SMPDL3A: variants seen among roughly 807,000 people sequenced by gnomAD.
The protein encoded by SMPDL3A is sphingomyelin phosphodiesterase acid like 3A.
SMPDL3A carries 39 observed loss-of-function variants against 38.5 expected under a neutral mutation model. The ratio of observed to expected loss-of-function variants is 1.01; its 90% CI spans 0.78 to 1.32. SMPDL3A has a LOEUF of 1.32. SMPDL3A is among the 40% of genes most tolerant of loss of function. The probability of loss-of-function intolerance (pLI) is 0.00; values close to 1 mark genes in which losing one functional copy is unlikely to be tolerated. For synonymous variants in SMPDL3A, 180 were observed against 194.3 expected, an observed-to-expected ratio of 0.93 and a Z score of 0.61; for missense variants, 502 against 536.2, an observed-to-expected ratio of 0.94 and a Z score of 0.63.
In SMPDL3A at chr6:122,796,006, T is replaced by TA. The variant is rs534909963; in HGVS notation, c.326+123dup. On this transcript the variant is annotated intron_variant, in intron 2 of 7. Transcript: ENST00000368440. The stretch of plus-strand genomic sequence containing the variant: ...GTTACATTTTAAGAGTTATTTGAGT[T>TA]AAAAAAACACTAGGTCAAACTAATC... The TA allele has an allele frequency of 3.5e-4, 273 of 780,840 alleles. No homozygotes were observed. In the African/African-American group the frequency reaches 4.3e-3, roughly 12 times the overall value. 48.4% of individuals were successfully genotyped at this position (780,840 alleles called of 1,614,324 possible). A position where few individuals can be genotyped will look rare whatever the true frequency, so the allele number is the denominator to read the frequency against.
intron 4 of SMPDL3A, among the ~76,000 whole-genome samples, chr6:122,802,719 G>A (rs1781466624): frequency 6.6e-6 from 1 of 152,132 alleles, no homozygotes; most frequent in African/African-American, 2.4e-5. Flanking sequence ...TCCAATGATA[G>A]CCCTCAAAGA....
intron 5 of SMPDL3A, among the ~76,000 whole-genome samples, chr6:122,804,267 G>C (rs558367085): frequency 1.3e-5 from 2 of 150,702 alleles, no homozygotes; most frequent in East Asian, 3.9e-4. Context: ...GATTACAGGT[G>C]TGAGCCACTA....
chr6:122,795,776 C>G lies in SMPDL3A; in HGVS notation c.212C>G (p.Ser71Cys). Residue 71 changes from serine to cysteine, a missense_variant, in exon 2 of 8, where the codon TCC becomes TGC. Ser to Cys is a moderately radical substitution (Grantham distance 112). Transcript: ENST00000368440. ...VCASSKGANA[S>C]NPGPFGDVLC... is the part of the protein sequence containing the mutation. ...GCTTCATCTAAAGGTGCAAATGCCT[C>G]CAACCCTGGCCCTTTTGGAGATGTT... 1 of 1,614,134 alleles carries G rather than the reference C, an allele frequency of 6.2e-7. No individual in the cohort carries two copies. Among genetic ancestry groups the G allele is most frequent in the South Asian group, 1.1e-5 (1 of 91,088 alleles).
At chr6:122,804,587 C>T (rs934338419) in intron 5 of SMPDL3A, among the ~76,000 whole-genome samples, 5 of 152,066 alleles carry the variant, frequency 3.3e-5, no homozygotes, top group African/African-American at 7.2e-5. Flanking sequence ...GATTACAGGC[C>T]TGAGCCACCT....
At chr6:122,802,157 G>A (rs1033882897) in intron 4 of SMPDL3A, among the ~76,000 whole-genome samples, 1 of 149,386 alleles carries the variant, frequency 6.7e-6, no homozygotes, top group African/African-American at 2.5e-5. Context: ...CTTAGAATTA[G>A]ACTATGGTTC....
At chr6:122,800,334 A>G (rs1781388048) in intron 3 of SMPDL3A, among the ~76,000 whole-genome samples, 1 of 152,234 alleles carries the variant, frequency 6.6e-6, no homozygotes, top group Admixed American at 6.5e-5. Flanking sequence ...CCAAATCAAA[A>G]GCATGTGGTT....
Position 122,789,588 on chromosome 6 carries a change from G to C in SMPDL3A, c.112+130G>C, listed in dbSNP as rs967137424. 9.0e-5 allele frequency: 81 copies of C among 896,412 alleles called. No homozygotes were observed. The Admixed American group carries it at 2.0e-3, about 23-fold the overall frequency. The allele number at this position is 896,412 out of a possible 1,614,324, so 55.5% of individuals were successfully genotyped here. On this transcript the variant is annotated intron_variant, in intron 1 of 7. Coordinates refer to ENST00000368440, the MANE Select transcript of SMPDL3A (RefSeq NM_006714.5). Reference sequence around the variant, plus strand: ...GGCTCGGGCTAGCGGGGCCCCTGACGCGTCCGGCGTTGACCACGGCTGGTG... The same window carrying C: ...GGCTCGGGCTAGCGGGGCCCCTGACCCGTCCGGCGTTGACCACGGCTGGTG...
rs549585009 is a variant in SMPDL3A at position 122,809,391 on chromosome 6, A to G, written c.1345A>G (p.Ile449Val). Residue 449 changes from isoleucine (I) to valine (V), a missense_variant, in exon 8 of 8, where the codon ATA (isoleucine) becomes GTA (valine). Coordinates refer to ENST00000368440, the MANE Select transcript of SMPDL3A (RefSeq NM_006714.5). ...SYADCLKQLYIKHNY is the reference protein window; with the variant it reads ...SYADCLKQLYVKHNY ...TGCAGATTGCCTCAAACAGCTTTAT[A>G]TAAAGCACAATTACTAGTATTTCAC... The G allele has an allele frequency of 1.9e-6, 3 of 1,608,462 alleles. No homozygotes were observed. The highest frequency in any genetic ancestry group is 1.3e-5 in the African/African-American group (1 of 74,886).
intron 4 of SMPDL3A, among the ~76,000 whole-genome samples, chr6:122,803,180 G>C (rs949643171): frequency 6.6e-6 from 1 of 152,252 alleles, no homozygotes; most frequent in East Asian, 1.9e-4. Context: ...GTGGAATGAT[G>C]CCTTTAAACC....
At chr6:122,808,175 C>T (rs1454302695) in intron 7 of SMPDL3A, among the ~76,000 whole-genome samples, 2 of 152,066 alleles carry the variant, frequency 1.3e-5, no homozygotes, top group Admixed American at 6.5e-5. Flanking sequence ...AATAAGTATG[C>T]ACATTCCAAA....
chr6:122,792,251 A>G (rs551090223), intron 1 of SMPDL3A, among the ~76,000 whole-genome samples: 2 of 152,346 alleles, frequency 1.3e-5, no homozygotes, highest in African/African-American at 4.8e-5. Flanking sequence ...GTGAATTTAA[A>G]TGATTATCCC....
rs1426720128 is a variant in SMPDL3A at position 122,795,900 on chromosome 6, T to G, written c.326+10T>G. 3.2e-6 allele frequency: 5 copies of G among 1,564,850 alleles called. No homozygotes were observed. Among genetic ancestry groups the G allele is most frequent in the Admixed American group, 1.7e-5 (1 of 59,830 alleles). ...TCATGATATGGACAGGGTAAGTGAT[T>G]ATACAAGTACCATTAATTACTCAAT... On this transcript the variant is annotated intron_variant, in intron 2 of 7. Coordinates refer to ENST00000368440, the MANE Select transcript of SMPDL3A (RefSeq NM_006714.5).
intron 1 of SMPDL3A, among the ~76,000 whole-genome samples, chr6:122,792,286 T>C (rs1399436084): frequency 1.3e-5 from 2 of 152,212 alleles, no homozygotes; most frequent in South Asian, 2.1e-4. Flanking sequence ...TGGAATGCCA[T>C]GCAGTAGAAA....
chr6:122,805,747 C>T (rs921792922), intron 6 of SMPDL3A, among the ~76,000 whole-genome samples: 12 of 152,292 alleles, frequency 7.9e-5, no homozygotes, highest in East Asian at 3.9e-4. Flanking sequence ...CTCAGCCTCC[C>T]GAGTAGCTGG....
intron 7 of SMPDL3A, among the ~76,000 whole-genome samples, chr6:122,807,453 T>G (rs541792437): frequency 1.4e-4 from 22 of 152,082 alleles, no homozygotes; most frequent in African/African-American, 5.1e-4. Context: ...GAGCCGAGAT[T>G]GCGCCACTGC....
chr6:122,803,951 G>C (rs918611362), intron 5 of SMPDL3A, 118 bp downstream of exon 5: 2 of 782,264 alleles, frequency 2.6e-6, no homozygotes, highest in African/African-American at 1.8e-5. Context: ...GATTTTTTTT[G>C]CATAAACACT....
chr6:122,799,767 A>G (rs572478165), intron 3 of SMPDL3A, among the ~76,000 whole-genome samples: 13 of 152,328 alleles, frequency 8.5e-5, no homozygotes, highest in African/African-American at 3.1e-4. Context: ...ATCAAGAACT[A>G]CTAGGACTTG....
rs1485186013 is a variant in SMPDL3A at position 122,809,425 on chromosome 6, C to T, written c.*17C>T. 6.4e-7 allele frequency: 1 copy of T among 1,553,330 alleles called. No individual in the cohort carries two copies. Among genetic ancestry groups the T allele is most frequent in the Middle Eastern group, 2.1e-4 (1 of 4,706 alleles). ...AATTACTAGTATTTCACAGTTTTTGCTAATAGAAAATGCTGATTCTGATTC... is the reference window on the plus strand; with the variant it reads ...AATTACTAGTATTTCACAGTTTTTGTTAATAGAAAATGCTGATTCTGATTC... On this transcript the variant is annotated 3_prime_UTR_variant, in exon 8 of 8. Transcript: ENST00000368440.
At position 122,796,814 on chromosome 6, in the gene SMPDL3A, CT is replaced by C. The variant is rs967036298; in HGVS notation, c.327-4del. 3.7e-6 allele frequency: 6 copies of C among 1,607,894 alleles called. No homozygotes were observed. The South Asian group carries it at 5.6e-5, about 15-fold the overall frequency. ...TGATTTTGTTCTTTACAATCTCTCT[CT>C]TTTTTCAGGGATAGCCCACCTCATG... On this transcript the variant is annotated splice_polypyrimidine_tract_variant and intron_variant, in intron 2 of 7. Transcript: ENST00000368440.
Sources: gnomAD v4.1 joint callset for allele counts (sites outside exome capture counted in the v4.1 genomes callset) on GRCh38, gnomAD v4.1.1 for gene constraint, MANE v1.5 for transcripts, NCBI Gene and HGNC (gene_info 2026-07-23, HGNC 2026-07-21) for gene names.